The following KRT3 variants were observed in gnomAD, a reference collection of about 807,000 sequenced individuals.
KRT3 encodes keratin, type II cytoskeletal 3.
In KRT3, 34 loss-of-function variants were observed where a neutral mutation model predicts 45.8. That is an observed-to-expected ratio of 0.74 (90% CI 0.57 to 0.99). The LOEUF (loss-of-function observed/expected upper bound fraction) is 0.99. Among genes scored for constraint, KRT3 ranks in the 50% least tolerant of loss-of-function variants. The probability of loss-of-function intolerance (pLI) is 0.00; values close to 1 mark genes in which losing one functional copy is unlikely to be tolerated. For synonymous variants in KRT3, 367 were observed against 329.0 expected (o/e 1.12, Z -1.25); for missense variants, 828 against 820.6 (o/e 1.01, Z -0.11).
In KRT3 at chr12:52,794,267, C is replaced by T; in HGVS notation, c.710G>A (p.Gly237Asp). 1 of 1,614,162 alleles carries T rather than the reference C, an allele frequency of 6.2e-7. No homozygotes were observed. The highest frequency in any genetic ancestry group is 8.5e-7 in the Non-Finnish European group (1 of 1,180,022). The change falls in exon 2 of 9, where the codon GGC becomes GAC. Residue 237 changes from glycine to aspartate, a missense_variant. Gly to Asp is a moderately conservative substitution (Grantham distance 94). Coordinates refer to ENST00000417996, the MANE Select transcript of KRT3 (RefSeq NM_057088.3). ...GTTTGTGCCTGAGATGGAACTTGTGCCCTGCTGCTGGAGCAGGTTCCACTT... is the reference window on the plus strand; with the variant it reads ...GTTTGTGCCTGAGATGGAACTTGTGTCCTGCTGCTGGAGCAGGTTCCACTT... ...ETKWNLLQQQGTSSISGTNNL... is the reference protein window; with the variant it reads ...ETKWNLLQQQDTSSISGTNNL...
chr12:52,794,285 T>C lies in KRT3; in HGVS notation c.692A>G (p.Asn231Ser), dbSNP rs756028659. The C allele has an allele frequency of 6.2e-7, 1 of 1,614,174 alleles. No homozygotes were observed. Among genetic ancestry groups the C allele is most frequent in the South Asian group, 1.1e-5 (1 of 91,074 alleles). ...QQNKVLETKW[N>S]LLQQQGTSSI... ...ACTTGTGCCCTGCTGCTGGAGCAGG[T>C]TCCACTTGGTCTCCAGGACTTTGTT... is the stretch of plus-strand genomic sequence containing the variant. Residue 231 changes from asparagine to serine, a missense_variant, in exon 2 of 9, where the codon AAC (asparagine) becomes AGC (serine). Asn to Ser is a conservative substitution (Grantham distance 46, BLOSUM62 1). Transcript: ENST00000417996.
Position 52,795,680 on chromosome 12 carries a change from T to C in KRT3, c.363A>G (p.Gly121=), listed in dbSNP as rs1231482454. 1.3e-6 allele frequency: 2 copies of C among 1,598,004 alleles called. No individual in the cohort carries two copies. The highest frequency in any genetic ancestry group is 1.4e-5 in the African/African-American group (1 of 70,302). The stretch of plus-strand genomic sequence containing the variant: ...CACCAGCCCCTCCAAAGCCACCAGC[T>C]CCACCAAAGCCACCTCCCATTCCTC... ...GGRGMGGGFG[G]AGGFGGAGGF... is the part of the protein sequence containing the mutation. The change falls in exon 1 of 9, where the codon GGA becomes GGG. Residue 121 remains glycine (G), a synonymous_variant. Transcript: ENST00000417996.
chr12:52,795,411 G>A lies in KRT3; in HGVS notation c.632C>T (p.Ser211Phe). The A allele has an allele frequency of 1.9e-5, 31 of 1,614,138 alleles. No homozygotes were observed. The highest frequency in any genetic ancestry group is 2.6e-5 in the Non-Finnish European group (31 of 1,180,032). The change falls in exon 1 of 9, where the codon TCC (serine) becomes TTC (phenylalanine). Residue 211 changes from serine to phenylalanine, a missense_variant. By Grantham distance (155) the Ser-to-Phe change is radical. Transcript: ENST00000417996. Reference sequence around the variant, plus strand: ...AAGCTTCATTACCTTGTCAATGAAGGAGGCAAACTTGTTGTTGAGGGTCTT... The same window carrying A: ...AAGCTTCATTACCTTGTCAATGAAGAAGGCAAACTTGTTGTTGAGGGTCTT... ...QIKTLNNKFA[S>F]FIDKVRFLEQ...
At chr12:52,792,479 C>A in intron 4 of KRT3, 76 bp from the exon 5 acceptor site, 1 of 1,416,294 alleles carries the variant, frequency 7.1e-7, no homozygotes, top group South Asian at 1.2e-5. Context: ...GACTCTTGAT[C>A]AACAGTCTCA....
Position 52,790,254 on chromosome 12 carries a change from C to T in KRT3, c.1675G>A (p.Gly559Ser), listed in dbSNP as rs1191110102. 1.9e-6 allele frequency: 3 copies of T among 1,550,704 alleles called. No individual in the cohort carries two copies. The African/African-American group carries it at 4.1e-5, about 21-fold the overall frequency. ...GLGGGFSAGG[G>S]SGSGFGRGGG... Reference sequence around the variant, plus strand: ...CCCCGGCCAAAGCCACTGCCTGAGCCGCCGCCCGCACTGAAGCCACCTCCT... The same window carrying T: ...CCCCGGCCAAAGCCACTGCCTGAGCTGCCGCCCGCACTGAAGCCACCTCCT... Residue 559 changes from glycine (G) to serine (S), a missense_variant, in exon 9 of 9, where the codon GGC becomes AGC. Coordinates refer to ENST00000417996, the MANE Select transcript of KRT3 (RefSeq NM_057088.3).
At position 52,795,847 on chromosome 12, in the gene KRT3, T is replaced by A. The variant is rs2121226557; in HGVS notation, c.196A>T (p.Ile66Phe). The stretch of plus-strand genomic sequence containing the variant: ...CCGCCAGCTGCCACGCTGATGGAGA[T>A]GCTCTTGTTGCCGCCCAGGTTGTAG... ...SLYNLGGNKS[I>F]SISVAAGGSR... Residue 66 changes from isoleucine (I) to phenylalanine (F), a missense_variant, in exon 1 of 9, where the codon ATC becomes TTC. Transcript: ENST00000417996. The A allele has an allele frequency of 6.2e-7, 1 of 1,614,152 alleles. No individual in the cohort carries two copies. The highest frequency in any genetic ancestry group is 1.1e-5 in the South Asian group (1 of 91,076).
chr12:52,790,267 GA>G lies in KRT3; in HGVS notation c.1661del (p.Phe554SerfsTer153). 6.4e-7 allele frequency: 1 copy of G among 1,552,204 alleles called. No homozygotes were observed. On this transcript the variant is annotated frameshift_variant, in exon 9 of 9. Transcript: ENST00000417996. LOFTEE classifies it low-confidence loss of function (END_TRUNC). ...GGMGGGLGGGFSAGGGSGSGF... is the reference protein window; with the variant it reads ...GGMGGGLGGGXSAGGGSGSGF... ...CACTGCCTGAGCCGCCGCCCGCACT[GA>G]AGCCACCTCCTAAACCACCGCCCAT...
Position 52,792,409 on chromosome 12 carries a change from AAC to A in KRT3, c.1024-8_1024-7del. The stretch of plus-strand genomic sequence containing the variant: ...CTCTGCATCTGAGATAGCTCCTGTC[AAC>A]ACAGAGGGAGCTTGTTCACTTTTGG... On this transcript the variant is annotated splice_region_variant and splice_polypyrimidine_tract_variant and intron_variant, in intron 4 of 8. Coordinates refer to ENST00000417996, the MANE Select transcript of KRT3 (RefSeq NM_057088.3). The A allele has an allele frequency of 6.2e-7, 1 of 1,613,578 alleles. No individual in the cohort carries two copies. Among genetic ancestry groups the A allele is most frequent in the Non-Finnish European group, 8.5e-7 (1 of 1,179,968 alleles).
In KRT3 at chr12:52,791,394, G is replaced by A. The variant is rs267603528; in HGVS notation, c.1347C>T (p.Ala449=). 3.1e-5 allele frequency: 50 copies of A among 1,614,198 alleles called. No individual in the cohort carries two copies. Among genetic ancestry groups the A allele is most frequent in the Non-Finnish European group, 3.9e-5 (46 of 1,180,014 alleles). ...NANLQTAIAE[A]EQHGEMALKD... ...TGAGGGCCATCTCTCCATGCTGCTC[G>A]GCCTCGGCAATGGCCGTCTGCAGGT... Residue 449 remains alanine (A), a synonymous_variant, in exon 7 of 9, where the codon GCC becomes GCT. Transcript: ENST00000417996.
In KRT3 at chr12:52,792,805, T is replaced by C. The variant is rs1019875779; in HGVS notation, c.929A>G (p.Asp310Gly). ...AENEFVTLKK[D>G]VDSAYMNKVE... ...CTTGTTCATATAGGCACTGTCCACA[T>C]CCTGAGAAAAGAGGAAGATAAAGGC... Residue 310 changes from aspartate (D) to glycine (G), a missense_variant and splice_region_variant, in exon 4 of 9, where the codon GAT becomes GGT. Coordinates refer to ENST00000417996, the MANE Select transcript of KRT3 (RefSeq NM_057088.3). The C allele has an allele frequency of 3.1e-6, 5 of 1,604,362 alleles. No homozygotes were observed. In the East Asian group the frequency reaches 1.1e-4, roughly 36 times the overall value.
Position 52,790,035 on chromosome 12 carries a change from G to A in KRT3, c.*7C>T. ...GCTGGAGTGGCTGCGATGCTGATGCGTGCTCTTTATCTGGAGTAGCGCTGG... is the reference window on the plus strand; with the variant it reads ...GCTGGAGTGGCTGCGATGCTGATGCATGCTCTTTATCTGGAGTAGCGCTGG... On this transcript the variant is annotated 3_prime_UTR_variant, in exon 9 of 9. Transcript: ENST00000417996. The A allele has an allele frequency of 6.5e-7, 1 of 1,538,214 alleles. No homozygotes were observed. Among genetic ancestry groups the A allele is most frequent in the Non-Finnish European group, 8.7e-7 (1 of 1,146,712 alleles).
At chr12:52,790,729 A>C in intron 8 of KRT3, 109 bp downstream of exon 8, 7 of 1,011,832 alleles carry the variant, frequency 6.9e-6, no homozygotes, top group Non-Finnish European at 1.1e-5. Flanking sequence ...TCTCCCAGAA[A>C]ACCCCTCCAA....
At position 52,792,371 on chromosome 12, in the gene KRT3, G is replaced by A. The variant is rs115678044; in HGVS notation, c.1056C>T (p.Asp352=). 576 of 1,614,096 alleles carry A rather than the reference G, an allele frequency of 3.6e-4. 3 individuals carry two copies. The African/African-American group carries it at 6.9e-3, about 19-fold the overall frequency. The part of the protein sequence containing the change: ...ELSQMQSHIS[D]TSVVLSMDNN... Reference sequence around the variant, plus strand: ...TGTCCATGGACAGCACCACAGATGTGTCACTGATGTGGCTCTGCATCTGAG... The same window carrying A: ...TGTCCATGGACAGCACCACAGATGTATCACTGATGTGGCTCTGCATCTGAG... Residue 352 remains aspartate (D), a synonymous_variant, in exon 5 of 9, where the codon GAC becomes GAT. Coordinates refer to ENST00000417996, the MANE Select transcript of KRT3 (RefSeq NM_057088.3).
rs759295134 is a variant in KRT3 at position 52,795,911 on chromosome 12, G to T, written c.132C>A (p.Gly44=). 6.2e-7 allele frequency: 1 copy of T among 1,614,056 alleles called. No individual in the cohort carries two copies. The highest frequency in any genetic ancestry group is 1.1e-5 in the South Asian group (1 of 91,086). ...CAAAGCCACCTGCTCCGCTCCGGAA[G>T]CCATAGGCCCCTCCGCCAGCTCCCC... ...HSGGAGGGAY[G]FRSGAGGFGS... Residue 44 remains glycine, a synonymous_variant, in exon 1 of 9, where the codon GGC becomes GGA. Transcript: ENST00000417996.
intron 2 of KRT3, 119 bp from the exon 3 acceptor site, chr12:52,793,342 A>G: frequency 1.1e-5 from 7 of 663,674 alleles, no homozygotes; most frequent in Non-Finnish European, 1.6e-5. Context: ...TGCCCCTCTC[A>G]GATGAGCACA....
At chr12:52,794,987 A>G (rs771599612) in intron 1 of KRT3, among the ~76,000 whole-genome samples, 18 of 152,110 alleles carry the variant, frequency 1.2e-4, no homozygotes, top group Admixed American at 2.0e-4. Flanking sequence ...TGGCACAGCA[A>G]TATGAGGGGG....
At chr12:52,791,083 A>G (rs1939482105) in intron 7 of KRT3, 123 bp downstream of exon 7, 2 of 1,481,808 alleles carry the variant, frequency 1.3e-6, no homozygotes, top group Non-Finnish European at 1.8e-6. Context: ...GTAGAGGCAA[A>G]TGCTTCACCA....
In KRT3 at chr12:52,791,395, G is replaced by A. The variant is rs761585201; in HGVS notation, c.1346C>T (p.Ala449Val). ...NANLQTAIAE[A>V]EQHGEMALKD... ...GAGGGCCATCTCTCCATGCTGCTCG[G>A]CCTCGGCAATGGCCGTCTGCAGGTT... is the stretch of plus-strand genomic sequence containing the variant. The change falls in exon 7 of 9, where the codon GCC becomes GTC. Residue 449 changes from alanine to valine, a missense_variant. Ala to Val is a moderately conservative substitution (Grantham distance 64). Transcript: ENST00000417996. 5.6e-6 allele frequency: 9 copies of A among 1,614,222 alleles called. No individual in the cohort carries two copies. In the East Asian group the frequency reaches 1.6e-4, roughly 28 times the overall value.
intron 2 of KRT3, among the ~76,000 whole-genome samples, chr12:52,793,601 T>G (rs1163253301): frequency 6.7e-6 from 1 of 148,156 alleles, no homozygotes; most frequent in East Asian, 2.0e-4. Context: ...TTTGTTTTTG[T>G]TTTTTTTTTA....
Sources: gnomAD v4.1 joint callset for allele counts (sites outside exome capture counted in the v4.1 genomes callset) on GRCh38, gnomAD v4.1.1 for gene constraint, MANE v1.5 for transcripts, NCBI Gene and HGNC (gene_info 2026-07-23, HGNC 2026-07-21) for gene names.